The following PAK4 variants were observed in gnomAD, a reference collection of about 807,000 sequenced individuals.
The protein encoded by PAK4 is serine/threonine-protein kinase PAK 4.
A neutral mutation model predicts 53.5 loss-of-function variants in PAK4; 49 were observed. The observed-to-expected ratio is 0.92, with a 90% CI of 0.73 to 1.16. The LOEUF (loss-of-function observed/expected upper bound fraction) is 1.16, where lower values mean the gene tolerates loss of function less well. Ranked by LOEUF, PAK4 falls within the 50% of genes most tolerant of loss-of-function variation. PAK4 has a pLI of 0.00. For missense variants in PAK4, 824 were observed against 850.7 expected, an observed-to-expected ratio of 0.97 and a Z score of 0.39; for synonymous variants, 376 against 375.6, an observed-to-expected ratio of 1.00 and a Z score of -0.01.
rs557827872 is a variant in PAK4, at chr19:39,130,203, G to A, written c.-23+4284G>A. Among the ~76,000 whole-genome samples, 292 of 150,308 alleles carry A rather than the reference G, an allele frequency of 1.9e-3. 1 individual carries two copies. Among genetic ancestry groups the A allele is most frequent in the Middle Eastern group, 3.4e-3 (1 of 294 alleles). ...ATGGGTCATGGCGGGATGGGAGCGG[G>A]GACCCAGGCAGAGGGATCAGGGTGG... is the stretch of plus-strand genomic sequence containing the variant. On this transcript the variant is annotated intron_variant, in intron 1 of 8. Transcript: ENST00000358301.
chr19:39,176,772 C>T, intron 7 of PAK4, 57 bp downstream of exon 8: 1 of 1,584,280 alleles, frequency 6.3e-7, no homozygotes, highest in Admixed American at 1.7e-5. Context: ...TGCCATTTTC[C>T]AGCTGCAGCG....
intron 1 of PAK4, among the ~76,000 whole-genome samples, chr19:39,140,669 C>G (rs2073894469): frequency 6.6e-6 from 1 of 152,200 alleles, no homozygotes; most frequent in Admixed American, 6.5e-5. Context: ...TATGTCCCCA[C>G]TCACTGAGGG....
chr19:39,146,862 A>G (rs2074006824), intron 1 of PAK4, among the ~76,000 whole-genome samples: 1 of 145,734 alleles, frequency 6.9e-6, no homozygotes, highest in Non-Finnish European at 1.5e-5. Context: ...AAAGAGAGAG[A>G]GGGAGAAAGG....
In PAK4 at chr19:39,173,135, A is replaced by C. The variant is rs1458588314; in HGVS notation, c.422A>C (p.His141Pro). The stretch of plus-strand genomic sequence containing the variant: ...GGCAGCCGAGGCCGGTTCGCCGGTC[A>C]CAGCGAGGCGGGTGGCGGCAGTGGT... Residue 141 changes from histidine to proline, a missense_variant, in exon 3 of 9, where the codon CAC becomes CCC. His to Pro is a moderately conservative substitution (Grantham distance 77). Coordinates refer to ENST00000358301, the Ensembl canonical transcript of PAK4. This position sits in a 1 kb window ranked among gnomAD's most constrained non-coding sequence, Gnocchi z 6.9. 6.5e-7 allele frequency: 1 copy of C among 1,544,588 alleles called. No individual in the cohort carries two copies. The highest frequency in any genetic ancestry group is 8.7e-7 in the Non-Finnish European group (1 of 1,143,298).
At chr19:39,176,469 C>T in intron 6 of PAK4, 121 bp from the exon 8 acceptor site, 2 of 1,354,276 alleles carry the variant, frequency 1.5e-6, no homozygotes, top group Admixed American at 1.7e-5. Context: ...ACCCTAGACC[C>T]CAGCTCTGAC....
chr19:39,162,279 G>T (rs1285139970), intron 1 of PAK4, among the ~76,000 whole-genome samples: 1 of 151,524 alleles, frequency 6.6e-6, no homozygotes, highest in African/African-American at 2.4e-5. Flanking sequence ...TTATTTTTGA[G>T]ACAAGGTCTC....
In PAK4 at chr19:39,178,421, C is replaced by T; in HGVS notation, c.1621-3C>T. ...CCCCTGACCCTCCCCTCCTTCTCGA[C>T]AGGTGTCGCCATCCCTGAAGGGCTT... On this transcript the variant is annotated splice_polypyrimidine_tract_variant and splice_region_variant and intron_variant, in intron 8 of 8. Coordinates refer to ENST00000358301, the Ensembl canonical transcript of PAK4. This position sits in a 1 kb window ranked among gnomAD's most constrained non-coding sequence, Gnocchi z 4.4. 3 of 1,581,856 alleles carry T rather than the reference C, an allele frequency of 1.9e-6. No individual in the cohort carries two copies. The highest frequency in any genetic ancestry group is 2.3e-5 in the South Asian group (2 of 86,440).
intron 1 of PAK4, among the ~76,000 whole-genome samples, chr19:39,155,219 C>G (rs73551743): frequency 0.019 from 2,837 of 152,278 alleles, 92 homozygotes; most frequent in African/African-American, 0.065. Context: ...TGGTAGAGCC[C>G]CTCTAGGGTG....
At chr19:39,136,433 T>C (rs1239235496) in intron 1 of PAK4, 1 of 152,180 alleles carries the variant, frequency 6.6e-6, no homozygotes, top group Non-Finnish European at 1.5e-5. Context: ...CCGGGGCCTT[T>C]GTTCTTGCTG....
rs374232496 is a variant in PAK4, at chr19:39,174,492, G to A, written c.1099-439G>A. ...AGTGCCCCGTAGCACCCTGACGATA[G>A]GAAGCCCAGGTCCCTTTGCCGGGTG... On this transcript the variant is annotated intron_variant, in intron 4 of 8. Transcript: ENST00000358301. Among the ~76,000 whole-genome samples the A allele has an allele frequency of 1.9e-3, 291 of 151,898 alleles. 1 individual carries two copies. Among genetic ancestry groups the A allele is most frequent in the African/African-American group, 6.5e-3 (269 of 41,416 alleles).
chr19:39,179,708 GC>G (rs772966825), downstream of PAK4: 5 of 152,250 alleles, frequency 3.3e-5, no homozygotes, highest in Non-Finnish European at 7.3e-5. Context: ...TGTCTTGAGC[GC>G]GTTTGGTGAG....
At position 39,173,769 on chromosome 19, in the gene PAK4, C is replaced by T. The variant is rs750587242; in HGVS notation, c.857C>T (p.Pro286Leu). 22 of 1,594,180 alleles carry T rather than the reference C, an allele frequency of 1.4e-5. No individual in the cohort carries two copies. In the African/African-American group the frequency reaches 2.8e-4, roughly 20 times the overall value. The stretch of plus-strand genomic sequence containing the variant: ...CCCGCCGCCCCTGCTGTTCCTGGGC[C>T]CCCTGGCCCCCGCTCACCACAGCGG... The change falls in exon 4 of 9, where the codon CCC (proline) becomes CTC (leucine). Residue 286 changes from proline (P) to leucine (L), a missense_variant. By Grantham distance (98) the Pro-to-Leu change is moderately conservative. Coordinates refer to ENST00000358301, the Ensembl canonical transcript of PAK4. The surrounding 1 kb of genome is among the most constrained non-coding windows in gnomAD (Gnocchi z 6.9).
chr19:39,181,284 G>A (rs2074698355), downstream of PAK4: 1 of 152,292 alleles, frequency 6.6e-6, no homozygotes, highest in African/African-American at 2.4e-5. Flanking sequence ...GGTGGCGTGG[G>A]GTGAAAGCTG....
chr19:39,138,788 T>G (rs2073862936), intron 1 of PAK4, among the ~76,000 whole-genome samples: 1 of 152,206 alleles, frequency 6.6e-6, no homozygotes, highest in Admixed American at 6.5e-5. Flanking sequence ...AGGTTTGCCT[T>G]GACTAATCAG....
At chr19:39,129,347 T>G (rs1289005560) in intron 1 of PAK4, among the ~76,000 whole-genome samples, 1 of 152,172 alleles carries the variant, frequency 6.6e-6, no homozygotes, top group East Asian at 1.9e-4. Context: ...TGATGGCCAC[T>G]GAGGTGGTCC....
At position 39,159,037 on chromosome 19, in the gene PAK4, C is replaced by T. The variant is rs764947970; in HGVS notation, c.-22-10495C>T. Among the ~76,000 whole-genome samples the T allele has an allele frequency of 3.3e-5, 5 of 152,168 alleles. No individual in the cohort carries two copies. The East Asian group carries it at 9.6e-4, about 29-fold the overall frequency. ...ACTGTTGTAAATGTTTTACATGTGT[C>T]GTCTTATTCGCTCGTCCAACATGCT... is the stretch of plus-strand genomic sequence containing the variant. On this transcript the variant is annotated intron_variant, in intron 1 of 8. Transcript: ENST00000358301.
chr19:39,147,977 A>T (rs1568506107), intron 1 of PAK4, among the ~76,000 whole-genome samples: 2 of 114,950 alleles, frequency 1.7e-5, no homozygotes, highest in African/African-American at 3.5e-5. Context: ...TTTTAGATGG[A>T]GTCTCACTCT....
intron 1 of PAK4, among the ~76,000 whole-genome samples, chr19:39,142,814 T>C (rs1319679356): frequency 2.6e-5 from 4 of 152,208 alleles, no homozygotes; most frequent in Non-Finnish European, 5.9e-5. Context: ...CTCTACCTGC[T>C]TCCTTCTTGA....
intron 1 of PAK4, among the ~76,000 whole-genome samples, chr19:39,127,466 CCCTTACCTCCCT>C (rs1482820583): frequency 6.6e-6 from 1 of 152,118 alleles, no homozygotes; most frequent in East Asian, 1.9e-4. Context: ...ATCTGACCAG[CCCTTACCTCCCT>C]CCTTACCTTA....
Sources: gnomAD v4.1 joint callset for allele counts (sites outside exome capture counted in the v4.1 genomes callset) on GRCh38, gnomAD v4.1.1 for gene constraint, Gnocchi (gnomAD v3.1) non-coding constraint, MANE v1.5 for transcripts, NCBI Gene and HGNC (gene_info 2026-07-23, HGNC 2026-07-21) for gene names.